AKAP19: variants seen among roughly 807,000 people sequenced by gnomAD.
The protein encoded by AKAP19 is small A-kinase anchoring protein.
chr2:190,069,214 G>T, the AKAP19 span, among the ~76,000 whole-genome samples: 1 of 149,672 alleles, frequency 6.7e-6, no homozygotes, highest in East Asian at 2.0e-4. Flanking sequence ...GGCAAAGACA[G>T]ATCAATCTCC....
chr2:190,084,753 C>G, the AKAP19 span, among the ~76,000 whole-genome samples: 1 of 152,162 alleles, frequency 6.6e-6, no homozygotes, highest in East Asian at 1.9e-4. Flanking sequence ...AACTTTCAAC[C>G]TTGGCTTTGA....
At chr2:190,083,806 C>T in the AKAP19 span, among the ~76,000 whole-genome samples, 1 of 152,120 alleles carries the variant, frequency 6.6e-6, no homozygotes, top group African/African-American at 2.4e-5. Context: ...ACTCCCATGC[C>T]TCTTTGGGCC....
At chr2:190,028,703 T>C in the AKAP19 span, among the ~76,000 whole-genome samples, 1 of 152,190 alleles carries the variant, frequency 6.6e-6, no homozygotes, top group Non-Finnish European at 1.5e-5. Flanking sequence ...AAGTACATTA[T>C]TATGTAAATA....
the AKAP19 span, chr2:189,923,441 A>G: frequency 3.7e-6 from 6 of 1,613,794 alleles, no homozygotes; most frequent in Non-Finnish European, 5.1e-6. Flanking sequence ...TGTGGAGGCA[A>G]TCTTTTCGAA....
chr2:190,031,217 A>T, the AKAP19 span, among the ~76,000 whole-genome samples: 1 of 152,202 alleles, frequency 6.6e-6, no homozygotes, highest in African/African-American at 2.4e-5. Flanking sequence ...TGAATACTGT[A>T]GTGGAATTAG....
At chr2:190,020,847 A>G in the AKAP19 span, among the ~76,000 whole-genome samples, 1 of 152,104 alleles carries the variant, frequency 6.6e-6, no homozygotes, top group Admixed American at 6.6e-5. Context: ...ATGAATTTGC[A>G]TGTTATTCAT....
At chr2:189,973,727 CAG>C in the AKAP19 span, among the ~76,000 whole-genome samples, 1 of 152,068 alleles carries the variant, frequency 6.6e-6, no homozygotes, top group African/African-American at 2.4e-5. Flanking sequence ...TGTATGTGTC[CAG>C]GAATTTATCC....
chr2:190,040,216 A>C, the AKAP19 span, among the ~76,000 whole-genome samples: 2 of 152,166 alleles, frequency 1.3e-5, no homozygotes, highest in Non-Finnish European at 2.9e-5. Flanking sequence ...GGCTATTCTT[A>C]CTGGTGTGAA....
chr2:190,201,690 A>G, the AKAP19 span: 3 of 166,946 alleles, frequency 1.8e-5, no homozygotes, highest in Non-Finnish European at 4.4e-5. Context: ...GCCTTTGGAC[A>G]CCTCATCATT....
chr2:190,033,187 AACAG>A, the AKAP19 span, among the ~76,000 whole-genome samples: 1 of 152,216 alleles, frequency 6.6e-6, no homozygotes, highest in East Asian at 1.9e-4. Context: ...CCATAAAAGA[AACAG>A]ACCTTTAATA....
At chr2:190,133,110 C>T in the AKAP19 span, among the ~76,000 whole-genome samples, 1 of 151,516 alleles carries the variant, frequency 6.6e-6, no homozygotes, top group Non-Finnish European at 1.5e-5. Context: ...TGGTGGCGGG[C>T]GCCTGTAGTG....
At chr2:190,128,417 C>T in the AKAP19 span, among the ~76,000 whole-genome samples, 2 of 152,170 alleles carry the variant, frequency 1.3e-5, no homozygotes, top group East Asian at 3.8e-4. Context: ...GCACAAAAGG[C>T]AGCCAAACTC....
chr2:189,899,607 A>G, the AKAP19 span, among the ~76,000 whole-genome samples: 2 of 151,976 alleles, frequency 1.3e-5, no homozygotes, highest in Admixed American at 6.6e-5. Flanking sequence ...TTTTTTTCCT[A>G]TGGCCCAAAC....
the AKAP19 span, among the ~76,000 whole-genome samples, chr2:190,174,397 A>G: frequency 6.6e-6 from 1 of 152,198 alleles, no homozygotes; most frequent in East Asian, 1.9e-4. Context: ...GTCCATATGA[A>G]TACCCCTCAG....
chr2:190,074,624 G>A, the AKAP19 span, among the ~76,000 whole-genome samples: 2 of 147,668 alleles, frequency 1.4e-5, no homozygotes, highest in Admixed American at 6.9e-5. Flanking sequence ...CTGCACTCCA[G>A]CCTGGCAACA....
At chr2:190,158,100 TG>T in the AKAP19 span, among the ~76,000 whole-genome samples, 8 of 152,224 alleles carry the variant, frequency 5.3e-5, no homozygotes, top group South Asian at 2.1e-4. Context: ...CTATGACCAC[TG>T]GTGCATGCAG....
At chr2:190,188,094 AGAGG>A in the AKAP19 span, among the ~76,000 whole-genome samples, 16 of 152,078 alleles carry the variant, frequency 1.1e-4, no homozygotes, top group African/African-American at 3.9e-4. Context: ...AGACAGAGGG[AGAGG>A]GAGTGGTGGG....
the AKAP19 span, among the ~76,000 whole-genome samples, chr2:190,095,154 G>A: frequency 5.3e-5 from 8 of 152,204 alleles, no homozygotes; most frequent in East Asian, 3.9e-4. Flanking sequence ...ACCAGGAGGC[G>A]GAGGTTACAG....
At chr2:190,032,508 T>C in the AKAP19 span, among the ~76,000 whole-genome samples, 1 of 152,154 alleles carries the variant, frequency 6.6e-6, no homozygotes, top group African/African-American at 2.4e-5. Flanking sequence ...AATTGATAAC[T>C]ATGCTGGCAA....
Sources: allele counts gnomAD v4.1 joint callset (sites outside exome capture counted in the v4.1 genomes callset), GRCh38; gene constraint gnomAD v4.1.1; transcripts MANE v1.5; gene names NCBI Gene and HGNC (gene_info 2026-07-23, HGNC 2026-07-21).